The following COL22A1 variants were observed in gnomAD, a reference collection of about 807,000 sequenced individuals.
The protein encoded by COL22A1 is collagen type XXII alpha 1 chain.
In COL22A1, 221 loss-of-function variants were observed where a neutral mutation model predicts 248.9. That is an observed-to-expected ratio of 0.89 (90% CI 0.80 to 0.99). The LOEUF (loss-of-function observed/expected upper bound fraction) is 0.99, where lower values mean the gene tolerates loss of function less well. Among genes scored for constraint, COL22A1 ranks in the 50% least tolerant of loss-of-function variants. The probability of loss-of-function intolerance (pLI) is 0.00; values close to 1 mark genes in which losing one functional copy is unlikely to be tolerated. For missense variants in COL22A1, 2,240 were observed against 2,179.0 expected (o/e 1.03, Z -0.56); for synonymous variants, 891 against 793.4 (o/e 1.12, Z -2.07).
At chr8:138,867,173 C>T (rs2131988463) in intron 3 of COL22A1, among the ~76,000 whole-genome samples, 1 of 152,334 alleles carries the variant, frequency 6.6e-6, no homozygotes, top group South Asian at 2.1e-4. Context: ...AACAAGTTGA[C>T]ATGGTTGTGG....
chr8:138,651,639 A>C (rs937819639), intron 45 of COL22A1, among the ~76,000 whole-genome samples: 4 of 142,696 alleles, frequency 2.8e-5, no homozygotes, highest in Non-Finnish European at 6.3e-5. Context: ...AGCAGAGCTG[A>C]AAGGAGCTCG....
At chr8:138,912,190 G>A (rs1815497969) in intron 1 of COL22A1, among the ~76,000 whole-genome samples, 1 of 152,212 alleles carries the variant, frequency 6.6e-6, no homozygotes, top group Non-Finnish European at 1.5e-5. Context: ...GCCAAAGAGA[G>A]CAACAGAGTT....
At position 138,774,575 on chromosome 8, in the gene COL22A1, A is replaced by C. The variant is rs758472068; in HGVS notation, c.1803+1391T>G. ...CTGGGACTACAGGCGCCCGCCACCAAGCCCGGCTAATTTTTGTTATTTTTA... is the reference window on the plus strand; with the variant it reads ...CTGGGACTACAGGCGCCCGCCACCACGCCCGGCTAATTTTTGTTATTTTTA... On this transcript the variant is annotated intron_variant, in intron 16 of 64. Transcript: ENST00000303045. 9.2e-4 allele frequency among the ~76,000 whole-genome samples: 140 copies of C among 151,902 alleles called. 1 individual carries two copies. Among genetic ancestry groups the C allele is most frequent in the Admixed American group, 1.8e-3 (27 of 15,262 alleles).
chr8:138,656,012 G>C, intron 44 of COL22A1, 68 bp from the exon 45 acceptor site: 1 of 1,302,522 alleles, frequency 7.7e-7, no homozygotes, highest in Non-Finnish European at 1.1e-6. Context: ...GGCATCTTCA[G>C]AAAGCAAAAG....
intron 41 of COL22A1, among the ~76,000 whole-genome samples, chr8:138,674,804 C>T (rs964195665): frequency 1.3e-5 from 2 of 152,070 alleles, no homozygotes; most frequent in African/African-American, 2.4e-5. Flanking sequence ...GGAGCGAGTG[C>T]CACATGAAGC....
chr8:138,816,143 TG>T (rs1248593046), intron 7 of COL22A1, among the ~76,000 whole-genome samples: 1 of 152,108 alleles, frequency 6.6e-6, no homozygotes, highest in Non-Finnish European at 1.5e-5. Flanking sequence ...TGGGACTGCC[TG>T]GCAAGGCCGC....
chr8:138,644,261 T>G (rs1822001748), intron 47 of COL22A1, among the ~76,000 whole-genome samples: 1 of 152,212 alleles, frequency 6.6e-6, no homozygotes, highest in Non-Finnish European at 1.5e-5. Flanking sequence ...ATTTTGTTCC[T>G]CATGAAATGA....
At chr8:138,591,573 C>G in intron 63 of COL22A1, 72 bp from the exon 64 acceptor site, 2 of 1,248,476 alleles carry the variant, frequency 1.6e-6, no homozygotes, top group Non-Finnish European at 2.2e-6. Flanking sequence ...TCCCACCTTG[C>G]GGGAGGTGCA....
intron 47 of COL22A1, among the ~76,000 whole-genome samples, chr8:138,638,043 C>G (rs1459630194): frequency 6.6e-6 from 1 of 150,890 alleles, no homozygotes; most frequent in South Asian, 2.2e-4. Flanking sequence ...TCATCCTCAT[C>G]ATCATCATTG....
chr8:138,706,952 G>C (rs1020865138), intron 30 of COL22A1, among the ~76,000 whole-genome samples: 11 of 152,100 alleles, frequency 7.2e-5, no homozygotes, highest in African/African-American at 2.7e-4. Context: ...TGATAAAGGG[G>C]ATATCACCAC....
chr8:138,704,082 C>T (rs1676686317), intron 30 of COL22A1, among the ~76,000 whole-genome samples: 2 of 152,170 alleles, frequency 1.3e-5, no homozygotes, highest in South Asian at 2.1e-4. Flanking sequence ...GGGGGAGGGG[C>T]GCCCGCCATT....
At chr8:138,787,564 TG>T in intron 12 of COL22A1, among the ~76,000 whole-genome samples, 1 of 152,362 alleles carries the variant, frequency 6.6e-6, no homozygotes. Flanking sequence ...ACTATTATTT[TG>T]GGTAAATTAC....
At chr8:138,741,954 T>C (rs1380234649) in intron 22 of COL22A1, among the ~76,000 whole-genome samples, 1 of 140,062 alleles carries the variant, frequency 7.1e-6, no homozygotes. Flanking sequence ...GTGATGATAG[T>C]AGTGATGGTG....
At chr8:138,694,916 G>C in intron 32 of COL22A1, 37 bp from the exon 33 acceptor site, 1 of 1,605,120 alleles carries the variant, frequency 6.2e-7, no homozygotes, top group Non-Finnish European at 8.5e-7. Context: ...TGGACTTCAG[G>C]GAGAACTGCC....
chr8:138,665,024 C>T (rs1824371539), intron 41 of COL22A1, among the ~76,000 whole-genome samples: 1 of 152,192 alleles, frequency 6.6e-6, no homozygotes. Flanking sequence ...AATGATTTCA[C>T]ACCAACGCCA....
chr8:138,659,946 G>C (rs1180205527), intron 44 of COL22A1, among the ~76,000 whole-genome samples: 1 of 152,228 alleles, frequency 6.6e-6, no homozygotes, highest in Non-Finnish European at 1.5e-5. Context: ...GGCAAGTTAG[G>C]GATCTGCAAT....
intron 50 of COL22A1, among the ~76,000 whole-genome samples, 176 bp downstream of exon 50, chr8:138,630,519 G>T (rs751655189): frequency 6.6e-6 from 1 of 152,166 alleles, no homozygotes; most frequent in African/African-American, 2.4e-5. Context: ...GTAAACAGGG[G>T]TCCAACAGAA....
At chr8:138,854,741 A>C (rs1185406386) in intron 3 of COL22A1, among the ~76,000 whole-genome samples, 1 of 152,072 alleles carries the variant, frequency 6.6e-6, no homozygotes, top group Non-Finnish European at 1.5e-5. Flanking sequence ...ATCAGATTCT[A>C]ATGTCTTTGT....
intron 18 of COL22A1, among the ~76,000 whole-genome samples, chr8:138,758,002 A>G (rs1386137243): frequency 6.6e-6 from 1 of 152,184 alleles, no homozygotes; most frequent in Admixed American, 6.5e-5. Context: ...GGTGACTTCC[A>G]AGATTCGGTG....
Sources: gnomAD v4.1 joint callset for allele counts (sites outside exome capture counted in the v4.1 genomes callset) on GRCh38, gnomAD v4.1.1 for gene constraint, MANE v1.5 for transcripts, NCBI Gene and HGNC (gene_info 2026-07-23, HGNC 2026-07-21) for gene names.